Variants in DLGAP3 observed in about 807,000 individuals in gnomAD.
DLGAP3 encodes DLG associated protein 3.
Under a neutral mutation model 81.2 loss-of-function variants are expected in DLGAP3, and 17 were observed. The observed-to-expected ratio is 0.21, with a 90% CI of 0.14 to 0.31. DLGAP3 has a LOEUF of 0.31. Ranked by LOEUF, DLGAP3 falls within the 10% of genes least tolerant of loss-of-function variation. The probability of loss-of-function intolerance (pLI) is 1.00; values close to 1 mark genes in which losing one functional copy is unlikely to be tolerated. For missense variants in DLGAP3, 1,124 were observed against 1,388.0 expected, an observed-to-expected ratio of 0.81 and a Z score of 3.02; for synonymous variants, 577 against 587.4, an observed-to-expected ratio of 0.98 and a Z score of 0.26.
intron 1 of DLGAP3, among the ~76,000 whole-genome samples, chr1:34,921,820 C>A (rs751037463): frequency 6.6e-6 from 1 of 152,140 alleles, no homozygotes; most frequent in Non-Finnish European, 1.5e-5. Flanking sequence ...CACAAGTATA[C>A]GTGTTAGCAT....
chr1:34,873,065 G>A lies in DLGAP3; in HGVS notation c.2001-3976C>T, dbSNP rs539106786. Among the ~76,000 whole-genome samples, 1 of 152,346 alleles carries A rather than the reference G, an allele frequency of 6.6e-6. No individual in the cohort carries two copies. Among genetic ancestry groups the A allele is most frequent in the Admixed American group, 6.5e-5 (1 of 15,310 alleles). On this transcript the variant is annotated intron_variant, in intron 8 of 11. Transcript: ENST00000373347. The surrounding 1 kb of genome is among the most constrained non-coding windows in gnomAD (Gnocchi z 4.2). ...CTTCTAAGCACTTAGTATGTGCCAG[G>A]AGAAGCACTTTCCATGAATAAACAT...
chr1:34,878,907 A>G (rs1377085964), intron 8 of DLGAP3, among the ~76,000 whole-genome samples: 1 of 151,956 alleles, frequency 6.6e-6, no homozygotes, highest in Admixed American at 6.6e-5. Flanking sequence ...CGTCTCTACT[A>G]AAAATACAAA....
rs1639486331 is a variant in DLGAP3, at chr1:34,902,982, A to G, written c.1107+1295T>C. On this transcript the variant is annotated intron_variant, in intron 3 of 11. Transcript: ENST00000373347. The surrounding 1 kb of genome is among the most constrained non-coding windows in gnomAD (Gnocchi z 4.4). ...GGGAGGGGGCAAACCAGGCCAATCC[A>G]GAAGTCCCTTCTTGCTTGCACTGTG... Among the ~76,000 whole-genome samples, 1 of 152,140 alleles carries G rather than the reference A, an allele frequency of 6.6e-6. No individual in the cohort carries two copies. Among genetic ancestry groups the G allele is most frequent in the Non-Finnish European group, 1.5e-5 (1 of 67,982 alleles).
chr1:34,916,529 T>C (rs1391436183), intron 1 of DLGAP3, among the ~76,000 whole-genome samples: 1 of 152,198 alleles, frequency 6.6e-6, no homozygotes, highest in East Asian at 1.9e-4. Context: ...GTGAGGAAAC[T>C]GAAGCTTAGA....
At position 34,905,440 on chromosome 1, in the gene DLGAP3, A is replaced by G. The variant is rs1256565864; in HGVS notation, c.-51-6T>C. 2 of 1,502,052 alleles carry G rather than the reference A, an allele frequency of 1.3e-6. No homozygotes were observed. The highest frequency in any genetic ancestry group is 5.0e-5 in the East Asian group (2 of 40,332). The allele number at this position is 1,502,052 out of a possible 1,614,324, so 93.0% of individuals were successfully genotyped here. A position where few individuals can be genotyped will look rare whatever the true frequency, so the allele number is the denominator to read the frequency against. Reference sequence around the variant, plus strand: ...GGCCAGGCCCCAGGAACCTCCTGGAAAAATAGGGAGAAAAGGTATTTGAAT... The same window carrying G: ...GGCCAGGCCCCAGGAACCTCCTGGAGAAATAGGGAGAAAAGGTATTTGAAT... On this transcript the variant is annotated splice_region_variant and splice_polypyrimidine_tract_variant and intron_variant, in intron 2 of 11. Coordinates refer to ENST00000373347, the MANE Select transcript of DLGAP3 (RefSeq NM_001080418.3).
At chr1:34,866,471 C>G (rs978258214) in intron 11 of DLGAP3, among the ~76,000 whole-genome samples, 170 bp from the exon 12 acceptor site, 3 of 152,118 alleles carry the variant, frequency 2.0e-5, no homozygotes, top group East Asian at 1.9e-4. Flanking sequence ...GCTCCTGTTC[C>G]GACAAGGTCA....
At position 34,905,178 on chromosome 1, in the gene DLGAP3, G is replaced by T; in HGVS notation, c.206C>A (p.Pro69Gln). The T allele has an allele frequency of 6.3e-7, 1 of 1,579,136 alleles. No homozygotes were observed. The change falls in exon 3 of 12, where the codon CCG becomes CAG. Residue 69 changes from proline (P) to glutamine (Q), a missense_variant. Coordinates refer to ENST00000373347, the MANE Select transcript of DLGAP3 (RefSeq NM_001080418.3). The part of the protein sequence containing the change: ...PEGPLSLSEG[P>Q]SVGPEGGPAG... ...TGGCCCTCCCTCAGGGCCTACCGACGGCCCCTCACTCAGGCTCAGGGGCCC... is the reference window on the plus strand; with the variant it reads ...TGGCCCTCCCTCAGGGCCTACCGACTGCCCCTCACTCAGGCTCAGGGGCCC...
intron 1 of DLGAP3, among the ~76,000 whole-genome samples, chr1:34,921,670 T>C (rs536541925): frequency 9.2e-5 from 14 of 152,312 alleles, no homozygotes; most frequent in East Asian, 3.9e-4. Context: ...AATGGATGCA[T>C]TGGGTGAGGC....
intron 8 of DLGAP3, among the ~76,000 whole-genome samples, chr1:34,880,064 T>C (rs1639123018): frequency 6.6e-6 from 1 of 152,210 alleles, no homozygotes. Context: ...CCCCTTTTCT[T>C]TCTTTGACAC....
chr1:34,885,245 ACAGCCCTC>A, intron 7 of DLGAP3, among the ~76,000 whole-genome samples, 182 bp from the exon 8 acceptor site: 1 of 152,338 alleles, frequency 6.6e-6, no homozygotes, highest in African/African-American at 2.4e-5. Flanking sequence ...ACCACTGGGC[ACAGCCCTC>A]CAGCCCTCCA....
At chr1:34,871,166 A>C (rs899976951) in intron 8 of DLGAP3, among the ~76,000 whole-genome samples, 8 of 152,046 alleles carry the variant, frequency 5.3e-5, no homozygotes, top group Non-Finnish European at 1.0e-4. Context: ...ACAGCCCCCT[A>C]CTACCAACAA....
At chr1:34,911,656 C>T (rs936961316) in intron 1 of DLGAP3, among the ~76,000 whole-genome samples, 5 of 152,146 alleles carry the variant, frequency 3.3e-5, no homozygotes, top group African/African-American at 9.7e-5. Flanking sequence ...GCACAGATGC[C>T]GTCACCAAGA....
intron 1 of DLGAP3, among the ~76,000 whole-genome samples, chr1:34,907,996 CTT>C (rs955224443): frequency 3.7e-4 from 57 of 152,374 alleles, no homozygotes; most frequent in African/African-American, 1.3e-3. Flanking sequence ...CCCTTAAAGA[CTT>C]TCTGTGCTCT....
chr1:34,922,587 T>C (rs1639812024), intron 1 of DLGAP3, among the ~76,000 whole-genome samples: 1 of 152,152 alleles, frequency 6.6e-6, no homozygotes, highest in African/African-American at 2.4e-5. Context: ...CACATTCACA[T>C]ATATACATGA....
At chr1:34,928,240 G>A (rs1420511981) in intron 1 of DLGAP3, among the ~76,000 whole-genome samples, 1 of 152,128 alleles carries the variant, frequency 6.6e-6, no homozygotes, top group Non-Finnish European at 1.5e-5. Flanking sequence ...TTGGGACTTG[G>A]AAGTCTGGGA....
chr1:34,869,148 C>G, intron 8 of DLGAP3, 59 bp from the exon 9 acceptor site: 1 of 1,265,692 alleles, frequency 7.9e-7, no homozygotes, highest in Non-Finnish European at 1.1e-6. Flanking sequence ...CTCTCACCCC[C>G]ACCCCAAGCA....
intron 2 of DLGAP3, among the ~76,000 whole-genome samples, chr1:34,906,602 C>A (rs962645537): frequency 6.6e-6 from 1 of 152,128 alleles, no homozygotes; most frequent in Non-Finnish European, 1.5e-5. Flanking sequence ...TTGCCTTTTA[C>A]CCCCACCCTC....
chr1:34,876,795 C>T (rs970259183), intron 8 of DLGAP3, among the ~76,000 whole-genome samples: 1 of 152,160 alleles, frequency 6.6e-6, no homozygotes, highest in African/African-American at 2.4e-5. Flanking sequence ...CCTCACCAAG[C>T]ACTTACACAA....
Position 34,867,226 on chromosome 1 carries a change from T to C in DLGAP3, c.2578-35A>G. 1.2e-6 allele frequency: 2 copies of C among 1,613,570 alleles called. No individual in the cohort carries two copies. Among genetic ancestry groups the C allele is most frequent in the Non-Finnish European group, 1.7e-6 (2 of 1,179,794 alleles). On this transcript the variant is annotated intron_variant, in intron 10 of 11. Coordinates refer to ENST00000373347, the MANE Select transcript of DLGAP3 (RefSeq NM_001080418.3). This position sits in a 1 kb window ranked among gnomAD's most constrained non-coding sequence, Gnocchi z 4.3. ...AGGAAGATGGAGGGAAAGTGATTGG[T>C]CAAGGAGGTCTGAGCCCCAGCCAGG...
Sources: allele counts gnomAD v4.1 joint callset (sites outside exome capture counted in the v4.1 genomes callset), GRCh38; gene constraint gnomAD v4.1.1; non-coding constraint Gnocchi (gnomAD v3.1); transcripts MANE v1.5; gene names NCBI Gene and HGNC (gene_info 2026-07-23, HGNC 2026-07-21).